Variants in APLP2 observed in about 807,000 individuals in gnomAD.
The protein encoded by APLP2 is amyloid beta precursor like protein 2.
In APLP2, 53 loss-of-function variants were observed where a neutral mutation model predicts 89.9. That is an observed-to-expected ratio of 0.59 (90% CI 0.47 to 0.74). The LOEUF is 0.74. APLP2 is among the 30% of genes least tolerant of loss of function. The probability of loss-of-function intolerance (pLI) is 0.00; values close to 1 mark genes in which losing one functional copy is unlikely to be tolerated. For missense variants in APLP2, 973 were observed against 975.9 expected (o/e 1.00, Z 0.04); for synonymous variants, 372 against 348.6 (o/e 1.07, Z -0.75).
At chr11:130,076,424 AAGTT>A (rs1372746741) in intron 1 of APLP2, among the ~76,000 whole-genome samples, 1 of 152,094 alleles carries the variant, frequency 6.6e-6, no homozygotes, top group African/African-American at 2.4e-5. Context: ...TTTTAGTAGT[AAGTT>A]GTGTCATTTT....
At position 130,083,026 on chromosome 11, in the gene APLP2, C is replaced by CTTTTTTTTTTTTTTTTTTTTTT. The variant is rs553962550; in HGVS notation, c.105+12950_105+12971dup. ...TATTAACCACTGAAACTTTTCTTTT[C>CTTTTTTTTTTTTTTTTTTTTTT]TTTTTTTTTTTTTTTTTTTTTTTTT... On this transcript the variant is annotated intron_variant, in intron 1 of 16. Coordinates refer to ENST00000338167, the MANE Select transcript of APLP2 (RefSeq NM_001142276.2). Among the ~76,000 whole-genome samples, 21 of 72,522 alleles carry CTTTTTTTTTTTTTTTTTTTTTT rather than the reference C, an allele frequency of 2.9e-4. 3 individuals are homozygous for CTTTTTTTTTTTTTTTTTTTTTT. Among genetic ancestry groups the CTTTTTTTTTTTTTTTTTTTTTT allele is most frequent in the African/African-American group, 1.2e-3 (19 of 15,892 alleles). 47.6% of individuals were successfully genotyped at this position (72,522 alleles called of 152,430 possible).
Position 130,110,644 on chromosome 11 carries a change from C to T in APLP2, c.386C>T (p.Thr129Ile), listed in dbSNP as rs768351062. Residue 129 changes from threonine (T) to isoleucine (I), a missense_variant, in exon 3 of 17, where the codon ACA becomes ATA. Physicochemically the swap from Thr to Ile is moderately conservative, Grantham distance 89. Transcript: ENST00000338167. ...DKKQCKSRFV[T>I]PFKCLVGEFV... is the part of the protein sequence containing the mutation. ...AAGCAATGCAAGAGTCGCTTTGTTACACCTTTCAAGTGTCTCGGTGAGTGT... is the reference window on the plus strand; with the variant it reads ...AAGCAATGCAAGAGTCGCTTTGTTATACCTTTCAAGTGTCTCGGTGAGTGT... 6.2e-6 allele frequency: 10 copies of T among 1,609,988 alleles called. No individual in the cohort carries two copies. The South Asian group carries it at 8.8e-5, about 14-fold the overall frequency.
intron 1 of APLP2, among the ~76,000 whole-genome samples, chr11:130,077,781 ATAGTGT>A (rs1942388993): frequency 6.6e-6 from 1 of 152,222 alleles, no homozygotes; most frequent in Non-Finnish European, 1.5e-5. Context: ...TTATCAACAC[ATAGTGT>A]TAATTATTTG....
At position 130,123,574 on chromosome 11, in the gene APLP2, G is replaced by C. The variant is rs945259538; in HGVS notation, c.923-38G>C. The stretch of plus-strand genomic sequence containing the variant: ...GCATTTTGAAGCATTTGACGTCACT[G>C]CCTCTGTCCTGCTGACACTCTGACC... On this transcript the variant is annotated intron_variant, in intron 6 of 16. Transcript: ENST00000338167. This position sits in a 1 kb window ranked among gnomAD's most constrained non-coding sequence, Gnocchi z 4.0. The C allele has an allele frequency of 6.3e-7, 1 of 1,589,326 alleles. No individual in the cohort carries two copies.
intron 1 of APLP2, among the ~76,000 whole-genome samples, chr11:130,104,730 A>G (rs979279061): frequency 1.3e-5 from 2 of 152,090 alleles, no homozygotes; most frequent in Admixed American, 6.5e-5. Context: ...TTCATACTGA[A>G]GGCATAGGGC....
At chr11:130,142,755 A>G (rs552511591) in intron 16 of APLP2, among the ~76,000 whole-genome samples, 1 of 152,260 alleles carries the variant, frequency 6.6e-6, no homozygotes, top group African/African-American at 2.4e-5. Flanking sequence ...CTGAGACTAC[A>G]GGTGTGTGCC....
intron 3 of APLP2, among the ~76,000 whole-genome samples, chr11:130,114,682 T>C (rs2135859716): frequency 6.6e-6 from 1 of 152,340 alleles, no homozygotes; most frequent in East Asian, 1.9e-4. Flanking sequence ...TGAGACACCA[T>C]GGTTTCTTTT....
chr11:130,140,528 C>A, intron 14 of APLP2, 45 bp downstream of exon 14: 1 of 1,495,158 alleles, frequency 6.7e-7, no homozygotes, highest in South Asian at 1.3e-5. Flanking sequence ...ACTTTTGAGA[C>A]TCATTAGAGC....
intron 1 of APLP2, among the ~76,000 whole-genome samples, chr11:130,078,703 A>AT (rs1192326914): frequency 6.6e-6 from 1 of 151,966 alleles, no homozygotes; most frequent in Non-Finnish European, 1.5e-5. Context: ...GGCCTGCACC[A>AT]TTTATTGTCA....
intron 3 of APLP2, among the ~76,000 whole-genome samples, chr11:130,117,661 T>C (rs1279750679): frequency 2.0e-5 from 3 of 152,194 alleles, no homozygotes; most frequent in African/African-American, 7.2e-5. Flanking sequence ...CTATAAACAA[T>C]GTTTTTGTGT....
At chr11:130,131,853 C>T (rs1390991197) in intron 11 of APLP2, among the ~76,000 whole-genome samples, 1 of 152,154 alleles carries the variant, frequency 6.6e-6, no homozygotes, top group Admixed American at 6.5e-5. Context: ...CATTTAAACA[C>T]CTTTGGGGAG....
chr11:130,097,053 T>C (rs944919962), intron 1 of APLP2, among the ~76,000 whole-genome samples: 5 of 152,224 alleles, frequency 3.3e-5, no homozygotes, highest in Non-Finnish European at 5.9e-5. Flanking sequence ...GGTAATACAG[T>C]CTGATTTACT....
At chr11:130,128,002 G>A (rs1950564831) in intron 9 of APLP2, among the ~76,000 whole-genome samples, 162 bp downstream of exon 9, 1 of 152,160 alleles carries the variant, frequency 6.6e-6, no homozygotes, top group South Asian at 2.1e-4. Context: ...CTCAAGTATT[G>A]CTAACCTATG....
Position 130,141,997 on chromosome 11 carries a change from A to G in APLP2, c.2077A>G (p.Ile693Val), listed in dbSNP as rs762079677. The G allele has an allele frequency of 2.5e-6, 4 of 1,614,084 alleles. No homozygotes were observed. Among genetic ancestry groups the G allele is most frequent in the Non-Finnish European group, 3.4e-6 (4 of 1,180,018 alleles). ...LIGLLVIAVAIATVIVISLVM... is the reference protein window; with the variant it reads ...LIGLLVIAVAVATVIVISLVM... ...TGGCCTGCTGGTCATCGCAGTGGCCATTGCCACGGTCATCGTCATCAGCCT... is the reference window on the plus strand; with the variant it reads ...TGGCCTGCTGGTCATCGCAGTGGCCGTTGCCACGGTCATCGTCATCAGCCT... The change falls in exon 16 of 17, where the codon ATT (isoleucine) becomes GTT (valine). Residue 693 changes from isoleucine to valine, a missense_variant. Coordinates refer to ENST00000338167, the MANE Select transcript of APLP2 (RefSeq NM_001142276.2). This position sits in a 1 kb window ranked among gnomAD's most constrained non-coding sequence, Gnocchi z 4.2.
chr11:130,113,081 C>T (rs1009293925), intron 3 of APLP2, among the ~76,000 whole-genome samples: 2 of 152,192 alleles, frequency 1.3e-5, no homozygotes, highest in Non-Finnish European at 2.9e-5. Flanking sequence ...TCGCACTTAT[C>T]ACACTGTACC....
chr11:130,128,976 G>T (rs1950648625), intron 9 of APLP2, 72 bp from the exon 10 acceptor site: 1 of 1,529,466 alleles, frequency 6.5e-7, no homozygotes, highest in Non-Finnish European at 8.9e-7. Context: ...GAAGCACTGG[G>T]GTCTCAGGGT....
At position 130,135,685 on chromosome 11, in the gene APLP2, C is replaced by T; in HGVS notation, c.1807C>T (p.His603Tyr). Residue 603 changes from histidine (H) to tyrosine (Y), a missense_variant, in exon 13 of 17, where the codon CAC (histidine) becomes TAC (tyrosine). By Grantham distance (83) the His-to-Tyr change is moderately conservative. Coordinates refer to ENST00000338167, the MANE Select transcript of APLP2 (RefSeq NM_001142276.2). ...GGAGATCCCACCGTTCCACCCCTTC[C>T]ACCCCTTCCCAGCCCTACCTGAGAA... is the stretch of plus-strand genomic sequence containing the variant. ...SEEIPPFHPF[H>Y]PFPALPENEG... The T allele has an allele frequency of 1.2e-6, 2 of 1,614,170 alleles. No individual in the cohort carries two copies. Among genetic ancestry groups the T allele is most frequent in the Non-Finnish European group, 1.7e-6 (2 of 1,180,020 alleles).
At position 130,121,698 on chromosome 11, in the gene APLP2, G is replaced by A; in HGVS notation, c.601G>A (p.Val201Met). The change falls in exon 5 of 17, where the codon GTG (valine) becomes ATG (methionine). Residue 201 changes from valine (V) to methionine (M), a missense_variant. Transcript: ENST00000338167. ...AGACCAGTTCCATGGCACTGAATAT[G>A]TGTGCTGCCCTCAGACAAAGATTAT... is the stretch of plus-strand genomic sequence containing the variant. ...GVDQFHGTEYVCCPQTKIIGS... is the reference protein window; with the variant it reads ...GVDQFHGTEYMCCPQTKIIGS... 1 of 1,614,150 alleles carries A rather than the reference G, an allele frequency of 6.2e-7. No homozygotes were observed.
At chr11:130,096,788 A>G (rs773683778) in intron 1 of APLP2, among the ~76,000 whole-genome samples, 1 of 152,188 alleles carries the variant, frequency 6.6e-6, no homozygotes, top group Non-Finnish European at 1.5e-5. Context: ...ACACACGTTT[A>G]TATTCCTTTT....
Sources: gnomAD v4.1 joint callset for allele counts (sites outside exome capture counted in the v4.1 genomes callset) on GRCh38, gnomAD v4.1.1 for gene constraint, Gnocchi (gnomAD v3.1) non-coding constraint, MANE v1.5 for transcripts, NCBI Gene and HGNC (gene_info 2026-07-23, HGNC 2026-07-21) for gene names.